MACROD2: variants seen among roughly 807,000 people sequenced by gnomAD.
The protein encoded by MACROD2 is mono-ADP ribosylhydrolase 2, also known as ADP-ribose glycohydrolase MACROD2.
Under a neutral mutation model 70.4 loss-of-function variants are expected in MACROD2, and 36 were observed. The observed-to-expected ratio is 0.51, with a 90% CI of 0.39 to 0.68. The LOEUF (loss-of-function observed/expected upper bound fraction) is 0.68, where lower values mean the gene tolerates loss of function less well. Among genes scored for constraint, MACROD2 ranks in the 30% least tolerant of loss-of-function variants. MACROD2 has a pLI of 0.00. For missense variants in MACROD2, 496 were observed against 538.4 expected, an observed-to-expected ratio of 0.92 and a Z score of 0.78; for synonymous variants, 172 against 178.8, an observed-to-expected ratio of 0.96 and a Z score of 0.30.
At chr20:14,427,400 T>A (rs2083945739) in intron 3 of MACROD2, among the ~76,000 whole-genome samples, 1 of 151,860 alleles carries the variant, frequency 6.6e-6, no homozygotes, top group South Asian at 2.1e-4. Flanking sequence ...TCCATGGTCT[T>A]CTACTTTCCT....
chr20:15,177,224 G>T (rs1409070365), intron 5 of MACROD2, among the ~76,000 whole-genome samples: 1 of 152,210 alleles, frequency 6.6e-6, no homozygotes, highest in Non-Finnish European at 1.5e-5. Context: ...ACAATACTCA[G>T]GCAGAAAGGT....
intron 10 of MACROD2, among the ~76,000 whole-genome samples, chr20:15,897,897 T>C (rs995577526): frequency 4.6e-5 from 7 of 152,218 alleles, no homozygotes; most frequent in Non-Finnish European, 7.3e-5. Context: ...ATCATGTTCC[T>C]TGGATTTTTA....
chr20:14,761,061 T>G (rs778902532), intron 5 of MACROD2, among the ~76,000 whole-genome samples: 4 of 152,122 alleles, frequency 2.6e-5, no homozygotes, highest in Admixed American at 6.5e-5. Context: ...CAGCTCAGTC[T>G]ATTGAAATCT....
chr20:15,485,609 C>A (rs184209033), intron 7 of MACROD2, among the ~76,000 whole-genome samples: 1 of 152,090 alleles, frequency 6.6e-6, no homozygotes, highest in Non-Finnish European at 1.5e-5. Flanking sequence ...AACAATGATG[C>A]CTGCTGTGGG....
intron 2 of MACROD2, among the ~76,000 whole-genome samples, chr20:14,067,759 G>T (rs1273169966): frequency 6.6e-5 from 10 of 152,152 alleles, no homozygotes; most frequent in African/African-American, 2.4e-4. Context: ...AGAGTGAAGT[G>T]TGTCCTTATT....
chr20:14,093,205 C>A (rs1346480650), intron 3 of MACROD2, among the ~76,000 whole-genome samples: 1 of 152,008 alleles, frequency 6.6e-6, no homozygotes, highest in Non-Finnish European at 1.5e-5. Flanking sequence ...CTCAGCCTCC[C>A]AAGTGCTAGG....
rs1211553560 is a variant in MACROD2, at chr20:14,996,891, T to G, written c.419-233049T>G. On this transcript the variant is annotated intron_variant, in intron 5 of 17. Coordinates refer to ENST00000684519, the MANE Select transcript of MACROD2 (RefSeq NM_001351661.2). The stretch of plus-strand genomic sequence containing the variant: ...TACTGGCTGAAGTGCTCCATTGTAG[T>G]CCTTGTGGCCTAGACTGCCTTTCAG... Among the ~76,000 whole-genome samples, 3 of 152,172 alleles carry G rather than the reference T, an allele frequency of 2.0e-5. 1 individual carries two copies. The East Asian group carries it at 5.8e-4, about 29-fold the overall frequency.
chr20:14,725,943 G>C (rs1303184885), intron 5 of MACROD2, among the ~76,000 whole-genome samples: 1 of 152,154 alleles, frequency 6.6e-6, no homozygotes, highest in Non-Finnish European at 1.5e-5. Context: ...TAGAACAGGT[G>C]CTGAGCAGAT....
intron 5 of MACROD2, among the ~76,000 whole-genome samples, chr20:15,184,103 T>C (rs2076519041): frequency 6.6e-6 from 1 of 152,052 alleles, no homozygotes; most frequent in African/African-American, 2.4e-5. Context: ...TTTTAAAAAT[T>C]ATTAGCAACA....
At chr20:14,396,967 A>G (rs1480015568) in intron 3 of MACROD2, among the ~76,000 whole-genome samples, 2 of 144,124 alleles carry the variant, frequency 1.4e-5, no homozygotes, top group African/African-American at 2.5e-5. Context: ...TTAATTTTTA[A>G]TTGGTATATT....
rs186848804 is a variant in MACROD2, at chr20:15,761,307, A to T, written c.646-101438A>T. Among the ~76,000 whole-genome samples, 720 of 152,290 alleles carry T rather than the reference A, an allele frequency of 4.7e-3. 9 individuals carry two copies. Among genetic ancestry groups the T allele is most frequent in the African/African-American group, 0.016 (669 of 41,550 alleles). On this transcript the variant is annotated intron_variant, in intron 8 of 17. Transcript: ENST00000684519. ...GTCATCTGCCTGCCTTGGCCTCCCA[A>T]AGTGCTGGGATTATAGGCCTGAACC...
chr20:15,699,686 C>T (rs997977265), intron 8 of MACROD2, among the ~76,000 whole-genome samples: 4 of 152,108 alleles, frequency 2.6e-5, no homozygotes, highest in African/African-American at 9.7e-5. Flanking sequence ...CTCCCAGCTG[C>T]GAAAGAAAGG....
intron 2 of MACROD2, among the ~76,000 whole-genome samples, chr20:14,081,235 TC>T (rs2053990398): frequency 6.6e-6 from 1 of 152,120 alleles, no homozygotes; most frequent in African/African-American, 2.4e-5. Context: ...ATAACCAGAA[TC>T]CCCCTATATT....
chr20:14,254,548 TCTA>T (rs2082037869), intron 3 of MACROD2, among the ~76,000 whole-genome samples: 1 of 152,116 alleles, frequency 6.6e-6, no homozygotes, highest in Non-Finnish European at 1.5e-5. Context: ...ATTATTTATT[TCTA>T]GTAAAATAAG....
intron 5 of MACROD2, among the ~76,000 whole-genome samples, chr20:15,109,091 A>G (rs2075934465): frequency 1.3e-5 from 2 of 152,174 alleles, no homozygotes; most frequent in African/African-American, 4.8e-5. Flanking sequence ...CATATTGCCT[A>G]TGGCTTCTTT....
intron 3 of MACROD2, among the ~76,000 whole-genome samples, chr20:14,304,507 C>T (rs1251757731): frequency 6.6e-6 from 1 of 152,216 alleles, no homozygotes; most frequent in Admixed American, 6.5e-5. Context: ...CTCCCCCACG[C>T]TCATTTTCTT....
chr20:14,925,518 G>T (rs1413976547), intron 5 of MACROD2, among the ~76,000 whole-genome samples: 1 of 152,120 alleles, frequency 6.6e-6, no homozygotes, highest in Non-Finnish European at 1.5e-5. Context: ...CATTGATTCT[G>T]CATGAGTCAT....
At chr20:15,857,449 T>C (rs961142182) in intron 8 of MACROD2, among the ~76,000 whole-genome samples, 1 of 152,210 alleles carries the variant, frequency 6.6e-6, no homozygotes, top group African/African-American at 2.4e-5. Flanking sequence ...AAGGATCCAG[T>C]GCTCTTGCTG....
chr20:14,874,985 A>G (rs1409919977), intron 5 of MACROD2, among the ~76,000 whole-genome samples: 1 of 151,888 alleles, frequency 6.6e-6, no homozygotes, highest in Admixed American at 6.6e-5. Flanking sequence ...GATTGCAGGC[A>G]TGAGCCGCTG....
Sources: allele counts gnomAD v4.1 joint callset (sites outside exome capture counted in the v4.1 genomes callset), GRCh38; gene constraint gnomAD v4.1.1; transcripts MANE v1.5; gene names NCBI Gene and HGNC (gene_info 2026-07-23, HGNC 2026-07-21).